SLC35F1: variants seen among roughly 807,000 people sequenced by gnomAD.
SLC35F1 encodes the protein solute carrier family 35 member F1.
In SLC35F1, 14 loss-of-function variants were observed where a neutral mutation model predicts 48.7. The ratio of observed to expected loss-of-function variants is 0.29; its 90% confidence interval spans 0.19 to 0.45. The LOEUF (loss-of-function observed/expected upper bound fraction) is 0.45. SLC35F1 is among the 20% of genes least tolerant of loss of function. The probability of loss-of-function intolerance (pLI) is 1.00; values close to 1 mark genes in which losing one functional copy is unlikely to be tolerated. For missense variants in SLC35F1, 404 were observed against 500.0 expected, an observed-to-expected ratio of 0.81 and a Z score of 1.83; for synonymous variants, 190 against 202.2, an observed-to-expected ratio of 0.94 and a Z score of 0.51.
chr6:118,069,114 AATT>A (rs1245991036), intron 1 of SLC35F1, among the ~76,000 whole-genome samples: 4 of 152,172 alleles, frequency 2.6e-5, no homozygotes, highest in African/African-American at 9.6e-5. Context: ...CGTGGTTTTT[AATT>A]ATTATTTCAA....
chr6:118,119,488 A>G, intron 1 of SLC35F1, among the ~76,000 whole-genome samples: 1 of 40,778 alleles, frequency 2.5e-5, no homozygotes, highest in Admixed American at 3.0e-4. Flanking sequence ...TGCAGTAATA[A>G]CCGGCGCCCC....
At chr6:118,155,886 A>G (rs1286786266) in intron 2 of SLC35F1, among the ~76,000 whole-genome samples, 1 of 152,216 alleles carries the variant, frequency 6.6e-6, no homozygotes, top group Non-Finnish European at 1.5e-5. Context: ...TCAGTATTTA[A>G]TTTTTACATT....
intron 1 of SLC35F1, among the ~76,000 whole-genome samples, chr6:118,139,841 G>T (rs747517750): frequency 6.6e-6 from 1 of 152,192 alleles, no homozygotes; most frequent in South Asian, 2.1e-4. Context: ...TATTGCTGCT[G>T]TTATATCAAA....
At chr6:117,982,000 C>T (rs1202283501) in intron 1 of SLC35F1, among the ~76,000 whole-genome samples, 1 of 152,158 alleles carries the variant, frequency 6.6e-6, no homozygotes, top group East Asian at 1.9e-4. Context: ...ATTGCATTCT[C>T]TGTATGTTTC....
intron 1 of SLC35F1, among the ~76,000 whole-genome samples, chr6:118,085,442 T>C (rs1352585608): frequency 6.6e-6 from 1 of 151,340 alleles, no homozygotes; most frequent in Admixed American, 6.6e-5. Context: ...TTGCTAATTG[T>C]GTAATCATCC....
intron 1 of SLC35F1, among the ~76,000 whole-genome samples, chr6:117,987,591 A>G (rs557502398): frequency 5.9e-5 from 9 of 152,124 alleles, no homozygotes; most frequent in South Asian, 2.1e-4. Context: ...CCACTTTCCA[A>G]TCCCTTAAAT....
intron 1 of SLC35F1, among the ~76,000 whole-genome samples, chr6:117,997,919 C>T (rs1337333899): frequency 1.5e-4 from 22 of 151,582 alleles, no homozygotes; most frequent in African/African-American, 5.1e-4. Context: ...AATTCACACA[C>T]AACAATATTA....
chr6:117,926,028 C>T (rs1261737164), intron 1 of SLC35F1, among the ~76,000 whole-genome samples: 12 of 152,082 alleles, frequency 7.9e-5, no homozygotes, highest in Non-Finnish European at 1.5e-4. Flanking sequence ...AATAGAAAAC[C>T]ATGGGAGCAC....
chr6:118,287,975 T>C (rs183749851), intron 7 of SLC35F1, among the ~76,000 whole-genome samples: 14 of 151,754 alleles, frequency 9.2e-5, no homozygotes, highest in Non-Finnish European at 1.9e-4. Context: ...TTTAGAATTG[T>C]AATGGATATT....
chr6:118,050,668 C>T (rs913472255), intron 1 of SLC35F1, among the ~76,000 whole-genome samples: 2 of 152,054 alleles, frequency 1.3e-5, no homozygotes, highest in Non-Finnish European at 2.9e-5. Context: ...AAGAAATTCC[C>T]TGTTGAATCC....
At chr6:117,976,922 C>T (rs961759886) in intron 1 of SLC35F1, among the ~76,000 whole-genome samples, 1 of 152,104 alleles carries the variant, frequency 6.6e-6, no homozygotes, top group African/African-American at 2.4e-5. Context: ...TTGTGTGCTA[C>T]TTTGAAAATC....
chr6:118,048,164 A>G (rs1481228135), intron 1 of SLC35F1, among the ~76,000 whole-genome samples: 5 of 152,102 alleles, frequency 3.3e-5, no homozygotes, highest in African/African-American at 9.6e-5. Flanking sequence ...CTTTAGTTCT[A>G]TTTATATGCT....
intron 7 of SLC35F1, among the ~76,000 whole-genome samples, chr6:118,294,623 A>G (rs1264428439): frequency 6.6e-6 from 1 of 152,192 alleles, no homozygotes; most frequent in East Asian, 1.9e-4. Context: ...CTAGAAACTA[A>G]TAGACAAAAA....
At chr6:118,307,600 G>A (rs922465741) in intron 7 of SLC35F1, among the ~76,000 whole-genome samples, 2 of 152,096 alleles carry the variant, frequency 1.3e-5, no homozygotes, top group African/African-American at 2.4e-5. Context: ...CTCAGAAGCC[G>A]AACTTTTGCA....
intron 2 of SLC35F1, among the ~76,000 whole-genome samples, chr6:118,174,893 G>GA (rs374398650): frequency 5.8e-4 from 83 of 143,222 alleles, no homozygotes; most frequent in African/African-American, 1.5e-3. Flanking sequence ...AAGTGCTGAA[G>GA]AAAAAAAAAA....
chr6:118,106,370 T>C (rs1284793361), intron 1 of SLC35F1, among the ~76,000 whole-genome samples: 13 of 152,192 alleles, frequency 8.5e-5, no homozygotes, highest in Admixed American at 8.5e-4. Context: ...AACAGTGCTT[T>C]CTCATTTTCC....
chr6:118,302,649 A>C (rs889821496), intron 7 of SLC35F1, among the ~76,000 whole-genome samples: 1 of 152,172 alleles, frequency 6.6e-6, no homozygotes, highest in African/African-American at 2.4e-5. Flanking sequence ...TAATAGCATA[A>C]CTCAAAGTTC....
intron 1 of SLC35F1, among the ~76,000 whole-genome samples, chr6:118,040,005 G>T (rs1772191790): frequency 6.6e-6 from 1 of 151,990 alleles, no homozygotes; most frequent in African/African-American, 2.4e-5. Context: ...TGTTGGCAGT[G>T]GTTCAAATCT....
chr6:118,301,830 G>A (rs1776257613), intron 7 of SLC35F1, among the ~76,000 whole-genome samples: 1 of 152,160 alleles, frequency 6.6e-6, no homozygotes, highest in South Asian at 2.1e-4. Context: ...AAACCAGGTA[G>A]ATGCCAGATT....
Sources: gnomAD v4.1 joint callset for allele counts (sites outside exome capture counted in the v4.1 genomes callset) on GRCh38, gnomAD v4.1.1 for gene constraint, MANE v1.5 for transcripts, NCBI Gene and HGNC (gene_info 2026-07-23, HGNC 2026-07-21) for gene names.